The following CYRIB variants were observed in gnomAD, a reference collection of about 807,000 sequenced individuals.
CYRIB encodes CYFIP related Rac1 interactor B.
CYRIB carries 8 observed loss-of-function variants against 44.2 expected under a neutral mutation model. The observed-to-expected ratio is 0.18, with a 90% confidence interval of 0.11 to 0.33. The LOEUF (loss-of-function observed/expected upper bound fraction) is 0.33, where lower values mean the gene tolerates loss of function less well. Ranked by LOEUF, CYRIB falls within the 10% of genes least tolerant of loss-of-function variation. CYRIB has a pLI of 1.00. For synonymous variants in CYRIB, 131 were observed against 127.2 expected, an observed-to-expected ratio of 1.03 and a Z score of -0.20; for missense variants, 185 against 382.8, an observed-to-expected ratio of 0.48 and a Z score of 4.31.
chr8:129,940,190 G>A (rs1012557450), upstream of CYRIB, among the ~76,000 whole-genome samples: 2 of 152,170 alleles, frequency 1.3e-5, no homozygotes, highest in Admixed American at 6.5e-5. Context: ...CAGCGGGCTT[G>A]GAAATGGCAG....
intron 2 of CYRIB, chr8:129,948,737 A>G (rs2094329548): frequency 6.6e-6 from 1 of 152,286 alleles, no homozygotes; most frequent in South Asian, 2.1e-4. Flanking sequence ...CTTACATAGC[A>G]TACCATCAGA....
chr8:129,919,518 T>C (rs2082438848), intron 1 of CYRIB, among the ~76,000 whole-genome samples: 1 of 152,066 alleles, frequency 6.6e-6, no homozygotes, highest in South Asian at 2.1e-4. Context: ...TTAAATAAAA[T>C]GCTATGCTGG....
At chr8:130,010,267 A>G (rs2097188699) in intron 1 of CYRIB, among the ~76,000 whole-genome samples, 1 of 152,230 alleles carries the variant, frequency 6.6e-6, no homozygotes, top group African/African-American at 2.4e-5. Context: ...AACTAGAGAA[A>G]GTCCTCAGCA....
intron 1 of CYRIB, among the ~76,000 whole-genome samples, chr8:129,926,338 A>C (rs1450807033): frequency 1.3e-5 from 2 of 152,190 alleles, no homozygotes; most frequent in African/African-American, 4.8e-5. Flanking sequence ...TTATCACCCA[A>C]TTTAAACACA....
chr8:129,985,445 G>A (rs1000310586), intron 1 of CYRIB, among the ~76,000 whole-genome samples: 5 of 152,064 alleles, frequency 3.3e-5, no homozygotes, highest in African/African-American at 7.2e-5. Context: ...ACTGCCTCTC[G>A]CTTGCCCAAA....
intron 2 of CYRIB, among the ~76,000 whole-genome samples, chr8:129,952,978 C>A (rs767879704): frequency 7.2e-5 from 11 of 152,166 alleles, no homozygotes; most frequent in South Asian, 6.2e-4. Flanking sequence ...TCCGAACCTT[C>A]TGTTGATCAG....
intron 1 of CYRIB, among the ~76,000 whole-genome samples, chr8:129,973,018 C>T (rs2095774062): frequency 6.6e-6 from 1 of 152,188 alleles, no homozygotes; most frequent in Admixed American, 6.5e-5. Flanking sequence ...AAAGTGAGGA[C>T]ACTCATTCAC....
upstream of CYRIB, among the ~76,000 whole-genome samples, chr8:129,943,007 A>G (rs1014154592): frequency 1.8e-4 from 27 of 152,200 alleles, no homozygotes; most frequent in African/African-American, 6.3e-4. Context: ...TTATTAAATC[A>G]GTTTTAAAAC....
intron 3 of CYRIB, among the ~76,000 whole-genome samples, chr8:129,873,889 C>T (rs371860389): frequency 2.0e-4 from 31 of 152,076 alleles, no homozygotes; most frequent in African/African-American, 7.5e-4. Context: ...AATGATTAAA[C>T]ATTTTTTAGA....
At chr8:129,979,581 G>A (rs780374807) in intron 1 of CYRIB, among the ~76,000 whole-genome samples, 9 of 152,212 alleles carry the variant, frequency 5.9e-5, no homozygotes, top group Non-Finnish European at 1.0e-4. Flanking sequence ...ATACTGGGTC[G>A]TTCTCTTTCA....
intron 1 of CYRIB, among the ~76,000 whole-genome samples, chr8:129,929,756 A>G (rs1039871432): frequency 2.0e-5 from 3 of 152,194 alleles, no homozygotes; most frequent in African/African-American, 7.2e-5. Context: ...TCTAAGGGTC[A>G]TGATTAGGTA....
At chr8:129,903,939 A>C (rs298612) in intron 1 of CYRIB, among the ~76,000 whole-genome samples, 1 of 151,854 alleles carries the variant, frequency 6.6e-6, no homozygotes, top group African/African-American at 2.4e-5. Flanking sequence ...TTTCTGCAGA[A>C]AGAGGGTCTC....
At chr8:129,914,812 C>T (rs1421886585) in intron 1 of CYRIB, among the ~76,000 whole-genome samples, 4 of 152,152 alleles carry the variant, frequency 2.6e-5, no homozygotes, top group African/African-American at 7.2e-5. Context: ...TTTTTACATT[C>T]CACAGCACAA....
chr8:129,947,126 C>T (rs1417478398), intron 2 of CYRIB, among the ~76,000 whole-genome samples: 1 of 151,912 alleles, frequency 6.6e-6, no homozygotes. Flanking sequence ...GGTGCGATCT[C>T]GGCTCACTGC....
Position 129,849,138 on chromosome 8 carries a change from T to C in CYRIB, c.840+105A>G, listed in dbSNP as rs987530992. The C allele has an allele frequency of 9.3e-6, 10 of 1,072,658 alleles. No individual in the cohort carries two copies. In the African/African-American group the frequency reaches 1.4e-4, roughly 15 times the overall value. 66.4% of individuals were successfully genotyped at this position (1,072,658 alleles called of 1,614,324 possible). On this transcript the variant is annotated intron_variant, in intron 10 of 11. Transcript: ENST00000519824. ...TCCACCATTTCACAAACTATAAATC[T>C]GAGTTTTGTGAGAGTCCGGTTTGCT...
rs1554659983 is a variant in CYRIB, at chr8:129,930,365, T to TTATATATATATATATATATATATA, written c.-50+9242_-50+9243insTATATATATATATATATATATATA. 9.7e-3 allele frequency among the ~76,000 whole-genome samples: 485 copies of TTATATATATATATATATATATATA among 50,160 alleles called. 54 individuals are homozygous for TTATATATATATATATATATATATA. Among genetic ancestry groups the TTATATATATATATATATATATATA allele is most frequent in the African/African-American group, 0.017 (239 of 14,470 alleles). 32.9% of individuals were successfully genotyped at this position (50,160 alleles called of 152,430 possible). On this transcript the variant is annotated intron_variant, in intron 1 of 11. Coordinates refer to ENST00000519824, the Ensembl canonical transcript of CYRIB. The stretch of plus-strand genomic sequence containing the variant: ...TCAACTAGGAAGAATTGTGAAGTGC[T>TTATATATATATATATATATATATA]TATATATATATATATTTTAATTATT...
intron 4 of CYRIB, among the ~76,000 whole-genome samples, chr8:129,870,039 G>C (rs2056416197): frequency 1.3e-5 from 2 of 152,092 alleles, no homozygotes; most frequent in Admixed American, 1.3e-4. Context: ...CAAAAACAAA[G>C]GAAGGGTGCA....
chr8:129,888,966 GC>G, intron 2 of CYRIB, among the ~76,000 whole-genome samples: 1 of 152,152 alleles, frequency 6.6e-6, no homozygotes, highest in Non-Finnish European at 1.5e-5. Context: ...GGTGGCAGGC[GC>G]CTGTAATCAC....
In CYRIB at chr8:129,981,172, C is replaced by T. The variant is rs182944627; in HGVS notation, c.-295-10177G>A. Among the ~76,000 whole-genome samples the T allele has an allele frequency of 3.6e-3, 549 of 152,148 alleles. 3 individuals are homozygous for T. The highest frequency in any genetic ancestry group is 0.013 in the African/African-American group (529 of 41,512). ...CCTTTTTTTTCAAGACAAGGTCTGG[C>T]TCTGTCGCTCAGGCTGGAGTGCAGT... On this transcript the variant is annotated intron_variant, in intron 1 of 14. Coordinates refer to the CYRIB transcript ENST00000401979.
Sources: gnomAD v4.1 joint callset for allele counts (sites outside exome capture counted in the v4.1 genomes callset) on GRCh38, gnomAD v4.1.1 for gene constraint, MANE v1.5 for transcripts, NCBI Gene and HGNC (gene_info 2026-07-23, HGNC 2026-07-21) for gene names.